The following GPC5 variants were observed in gnomAD, a reference collection of about 807,000 sequenced individuals.
GPC5 encodes the protein glypican 5.
In GPC5, 47 loss-of-function variants were observed where a neutral mutation model predicts 53.9. The observed-to-expected ratio is 0.87, with a 90% CI of 0.69 to 1.11. GPC5 has a LOEUF of 1.11. Ranked by LOEUF, GPC5 falls within the 50% of genes most tolerant of loss-of-function variation. The pLI, the probability that GPC5 is intolerant of heterozygous loss-of-function variation, is 0.00. For synonymous variants in GPC5, 286 were observed against 263.3 expected (o/e 1.09, Z -0.84); for missense variants, 748 against 713.1 (o/e 1.05, Z -0.56).
intron 1 of GPC5, among the ~76,000 whole-genome samples, chr13:91,443,646 C>T (rs367668542): frequency 6.6e-5 from 10 of 152,150 alleles, no homozygotes; most frequent in South Asian, 4.1e-4. Context: ...CTTCAAGAAG[C>T]GCTGATTTCT....
intron 6 of GPC5, among the ~76,000 whole-genome samples, chr13:92,012,891 A>G (rs1455937475): frequency 6.6e-6 from 1 of 152,198 alleles, no homozygotes; most frequent in Non-Finnish European, 1.5e-5. Flanking sequence ...GGGAGCATGC[A>G]TGTGAGTGAG....
At chr13:91,782,525 A>C (rs1295823293) in intron 5 of GPC5, among the ~76,000 whole-genome samples, 1 of 152,094 alleles carries the variant, frequency 6.6e-6, no homozygotes, top group Non-Finnish European at 1.5e-5. Context: ...CTCACTCACT[A>C]TCATGAGAAT....
At chr13:91,875,249 A>T (rs900137909) in intron 5 of GPC5, among the ~76,000 whole-genome samples, 1 of 152,166 alleles carries the variant, frequency 6.6e-6, no homozygotes, top group Admixed American at 6.6e-5. Flanking sequence ...TTTGATTCTG[A>T]TGAGGCTTGA....
chr13:92,119,567 A>ATTTTTTTTTTTT (rs59391576), intron 6 of GPC5, among the ~76,000 whole-genome samples: 2 of 70,614 alleles, frequency 2.8e-5, no homozygotes, highest in Non-Finnish European at 4.9e-5. Context: ...CGCCTGGCTA[A>ATTTTTTTTTTTT]TTTTTTTTTT....
At chr13:92,397,323 T>G (rs1875329094) in intron 7 of GPC5, among the ~76,000 whole-genome samples, 1 of 152,174 alleles carries the variant, frequency 6.6e-6, no homozygotes. Context: ...TCTCATGAGA[T>G]TTGATGGTTT....
At chr13:92,578,587 G>A (rs1422481007) in intron 7 of GPC5, among the ~76,000 whole-genome samples, 2 of 152,120 alleles carry the variant, frequency 1.3e-5, no homozygotes, top group Admixed American at 6.6e-5. Context: ...TTGTCCGAGG[G>A]CTGGAGAAGC....
intron 2 of GPC5, among the ~76,000 whole-genome samples, chr13:91,570,619 G>A (rs1341035507): frequency 2.6e-5 from 4 of 151,918 alleles, no homozygotes; most frequent in Non-Finnish European, 4.4e-5. Context: ...ATATGCTTTC[G>A]AGCAATTACC....
In GPC5 at chr13:92,402,945, T is replaced by C. The variant is rs9589537; in HGVS notation, c.1561+257956T>C. Reference sequence around the variant, plus strand: ...TTGCGGCAGCATAGCTCTGCTTGTTTTTCTCTAAAGAAGAATTGACTCATG... The same window carrying C: ...TTGCGGCAGCATAGCTCTGCTTGTTCTTCTCTAAAGAAGAATTGACTCATG... On this transcript the variant is annotated intron_variant, in intron 7 of 7. Transcript: ENST00000377067. Among the ~76,000 whole-genome samples the C allele has an allele frequency of 5.3e-3, 802 of 152,324 alleles. 7 individuals carry two copies. Among genetic ancestry groups the C allele is most frequent in the African/African-American group, 0.016 (681 of 41,578 alleles).
At position 91,399,185 on chromosome 13, in the gene GPC5, G is replaced by A; in HGVS notation, c.139G>A (p.Gly47Arg). ...GTGGCGGCTGCTGGGAGCTGTCAGGGGGCTGCCGGATTCGCCGCGGGCAGG... is the reference window on the plus strand; with the variant it reads ...GTGGCGGCTGCTGGGAGCTGTCAGGAGGCTGCCGGATTCGCCGCGGGCAGG... ...FQWRLLGAVR[G>R]LPDSPRAGPD... Residue 47 changes from glycine (G) to arginine (R), a missense_variant, in exon 1 of 8, where the codon GGG (glycine) becomes AGG (arginine). Transcript: ENST00000377067. The A allele has an allele frequency of 1.2e-6, 2 of 1,612,626 alleles. No homozygotes were observed. The highest frequency in any genetic ancestry group is 8.5e-7 in the Non-Finnish European group (1 of 1,179,720).
chr13:92,093,968 T>C (rs376082787), intron 6 of GPC5, among the ~76,000 whole-genome samples: 1 of 152,182 alleles, frequency 6.6e-6, no homozygotes. Context: ...TTTTAGATGA[T>C]TATAAGTTGA....
At chr13:91,870,129 G>C (rs186288834) in intron 5 of GPC5, among the ~76,000 whole-genome samples, 9 of 152,048 alleles carry the variant, frequency 5.9e-5, no homozygotes, top group African/African-American at 1.7e-4. Flanking sequence ...GGCCTAACAC[G>C]CTCCATCAGA....
chr13:92,577,088 A>G (rs1036360972), intron 7 of GPC5, among the ~76,000 whole-genome samples: 22 of 152,226 alleles, frequency 1.4e-4, no homozygotes, highest in African/African-American at 5.3e-4. Flanking sequence ...ATTAAAAGCT[A>G]TAAAAGTTCA....
rs576566042 is a variant in GPC5 at position 91,744,727 on chromosome 13, T to C, written c.1155-11568T>C. ...AATAATATCTAGATTATATGCTTGTTCCGTAAGTCACAAAGTTTATTGTTA... is the reference window on the plus strand; with the variant it reads ...AATAATATCTAGATTATATGCTTGTCCCGTAAGTCACAAAGTTTATTGTTA... On this transcript the variant is annotated intron_variant, in intron 4 of 7. Transcript: ENST00000377067. Among the ~76,000 whole-genome samples, 6 of 152,256 alleles carry C rather than the reference T, an allele frequency of 3.9e-5. No homozygotes were observed. In the East Asian group the frequency reaches 1.2e-3, roughly 29 times the overall value.
intron 7 of GPC5, among the ~76,000 whole-genome samples, chr13:92,739,400 G>C (rs1889027348): frequency 6.6e-6 from 1 of 152,012 alleles, no homozygotes; most frequent in Admixed American, 6.6e-5. Flanking sequence ...GATAGTTGCT[G>C]ATAAGTTCTG....
chr13:92,615,126 G>A (rs1257733731), intron 7 of GPC5, among the ~76,000 whole-genome samples: 2 of 152,146 alleles, frequency 1.3e-5, no homozygotes, highest in Non-Finnish European at 2.9e-5. Context: ...TCACATAATT[G>A]AAATGACTTT....
Position 91,857,708 on chromosome 13 carries a change from G to GT in GPC5, c.1281-50229_1281-50228insT, listed in dbSNP as rs1433894415. ...CCTTGTTCCCAACTATATATTGAAT[G>GT]GAACACATTCAATATATAGTCATTA... On this transcript the variant is annotated intron_variant, in intron 5 of 7. Coordinates refer to ENST00000377067, the MANE Select transcript of GPC5 (RefSeq NM_004466.6). Among the ~76,000 whole-genome samples, 4 of 150,354 alleles carry GT rather than the reference G, an allele frequency of 2.7e-5. No individual in the cohort carries two copies. In the East Asian group the frequency reaches 7.8e-4, roughly 29 times the overall value.
chr13:91,710,048 T>C (rs1323037943), intron 3 of GPC5, among the ~76,000 whole-genome samples: 1 of 152,210 alleles, frequency 6.6e-6, no homozygotes, highest in Non-Finnish European at 1.5e-5. Flanking sequence ...GTACATGCAG[T>C]ACTTCAGCCA....
chr13:92,205,939 A>G (rs2042331046), intron 7 of GPC5, among the ~76,000 whole-genome samples: 1 of 149,710 alleles, frequency 6.7e-6, no homozygotes, highest in African/African-American at 2.5e-5. Flanking sequence ...CTAATCGGGA[A>G]GCTGAGGAAG....
intron 5 of GPC5, among the ~76,000 whole-genome samples, chr13:91,780,438 T>C (rs1478468541): frequency 6.6e-6 from 1 of 152,126 alleles, no homozygotes; most frequent in Non-Finnish European, 1.5e-5. Flanking sequence ...AACTTTTTAT[T>C]ATATTTTTTT....
Sources: allele counts gnomAD v4.1 joint callset (sites outside exome capture counted in the v4.1 genomes callset), GRCh38; gene constraint gnomAD v4.1.1; transcripts MANE v1.5; gene names NCBI Gene and HGNC (gene_info 2026-07-23, HGNC 2026-07-21).